The following PXMP4 variants were observed in gnomAD, a reference collection of about 807,000 sequenced individuals.
PXMP4 encodes the protein peroxisomal membrane protein 4, also known as 24 kDa peroxisomal intrinsic membrane protein.
In PXMP4, 16 loss-of-function variants were observed where a neutral mutation model predicts 21.6. The ratio of observed to expected loss-of-function variants is 0.74; its 90% CI spans 0.50 to 1.13. The LOEUF is 1.13. Among genes scored for constraint, PXMP4 ranks in the 50% most tolerant of loss-of-function variants. The probability of loss-of-function intolerance (pLI) is 0.00; values close to 1 mark genes in which losing one functional copy is unlikely to be tolerated. For missense variants in PXMP4, 240 were observed against 277.7 expected (o/e 0.86, Z 0.96); for synonymous variants, 127 against 123.8 (o/e 1.03, Z -0.17).
chr20:33,712,685 C>T (rs2018342529), intron 2 of PXMP4, among the ~76,000 whole-genome samples: 1 of 152,202 alleles, frequency 6.6e-6, no homozygotes, highest in Non-Finnish European at 1.5e-5. Context: ...GGCTGGAGCG[C>T]AGTAGCGCAA....
At chr20:33,719,374 C>T (rs943367429) in intron 1 of PXMP4, among the ~76,000 whole-genome samples, 2 of 152,196 alleles carry the variant, frequency 1.3e-5, no homozygotes, top group East Asian at 3.8e-4. Flanking sequence ...CACGTTGCCA[C>T]TAGGATGCCA....
chr20:33,715,015 T>C (rs1262665979), intron 1 of PXMP4, among the ~76,000 whole-genome samples: 1 of 152,148 alleles, frequency 6.6e-6, no homozygotes, highest in Non-Finnish European at 1.5e-5. Flanking sequence ...CCCAGGCTGG[T>C]GTGCAGTGGT....
At chr20:33,712,614 T>C (rs1196097476) in intron 2 of PXMP4, among the ~76,000 whole-genome samples, 1 of 152,144 alleles carries the variant, frequency 6.6e-6, no homozygotes, top group Non-Finnish European at 1.5e-5. Context: ...CACATCCGAC[T>C]AATCTTTGTT....
rs1356436746 is a variant in PXMP4 at position 33,720,244 on chromosome 20, T to C, written c.-37A>G. On this transcript the variant is annotated 5_prime_UTR_variant, in exon 1 of 4. Transcript: ENST00000409299. The stretch of plus-strand genomic sequence containing the variant: ...CGCGCAGGGTCGGGGTTAGGAACTG[T>C]AAGCGCACTGACAGCCGGAGGTTCC... 9 of 1,559,352 alleles carry C rather than the reference T, an allele frequency of 5.8e-6. No individual in the cohort carries two copies. Among genetic ancestry groups the C allele is most frequent in the Non-Finnish European group, 7.9e-6 (9 of 1,144,846 alleles).
intron 1 of PXMP4, among the ~76,000 whole-genome samples, chr20:33,718,179 C>G (rs1261454370): frequency 6.6e-6 from 1 of 152,060 alleles, no homozygotes; most frequent in East Asian, 1.9e-4. Context: ...TGAATGTTCA[C>G]TGCAGGCTTG....
At position 33,706,774 on chromosome 20, in the gene PXMP4, A is replaced by C. The variant is rs948979792; in HGVS notation, c.*932T>G. The stretch of plus-strand genomic sequence containing the variant: ...ACTGGGTCCTGAAAATGTGGGTGGC[A>C]AAATATACACCCAATTTTGAATACT... On this transcript the variant is annotated 3_prime_UTR_variant, in exon 4 of 4. Coordinates refer to ENST00000409299, the MANE Select transcript of PXMP4 (RefSeq NM_007238.5). The C allele has an allele frequency of 6.6e-6, 1 of 152,244 alleles. No individual in the cohort carries two copies. The highest frequency in any genetic ancestry group is 1.5e-5 in the Non-Finnish European group (1 of 68,042). 9.4% of individuals were successfully genotyped at this position (152,244 alleles called of 1,614,324 possible). A position where few individuals can be genotyped will look rare whatever the true frequency, so the allele number is the denominator to read the frequency against.
chr20:33,715,770 C>T (rs944068597), intron 1 of PXMP4, among the ~76,000 whole-genome samples: 5 of 151,346 alleles, frequency 3.3e-5, no homozygotes, highest in Admixed American at 6.6e-5. Flanking sequence ...AAAGGTCCAC[C>T]ATCCTTGCTC....
rs1255289432 is a variant in PXMP4, at chr20:33,707,728, T to C, written c.617A>G (p.Asn206Ser). ...WHDISDFLVY[N>S]KSRPSN Reference sequence around the variant, plus strand: ...GCATTAATTGGAGGGACGGCTCTTGTTATAGACGAGGAAGTCTGAGATGTC... The same window carrying C: ...GCATTAATTGGAGGGACGGCTCTTGCTATAGACGAGGAAGTCTGAGATGTC... Residue 206 changes from asparagine (N) to serine (S), a missense_variant, in exon 4 of 4, where the codon AAC becomes AGC. Asn to Ser is a conservative substitution (Grantham distance 46). Transcript: ENST00000409299. 8 of 1,613,926 alleles carry C rather than the reference T, an allele frequency of 5.0e-6. No individual in the cohort carries two copies. The highest frequency in any genetic ancestry group is 6.8e-6 in the Non-Finnish European group (8 of 1,179,992).
chr20:33,720,286 C>G lies in PXMP4; in HGVS notation c.-79G>C. 1 of 1,311,816 alleles carries G rather than the reference C, an allele frequency of 7.6e-7. No homozygotes were observed. Among genetic ancestry groups the G allele is most frequent in the Non-Finnish European group, 1.1e-6 (1 of 941,360 alleles). 81.3% of individuals were successfully genotyped at this position (1,311,816 alleles called of 1,614,324 possible). A position where few individuals can be genotyped will look rare whatever the true frequency, so the allele number is the denominator to read the frequency against. The stretch of plus-strand genomic sequence containing the variant: ...GGAGGTTCCAGCTGCGCGCCCACAG[C>G]CCCTCGGTAGCGCCGCCGACTCGTG... On this transcript the variant is annotated 5_prime_UTR_variant, in exon 1 of 4. Transcript: ENST00000409299.
rs1379634665 is a variant in PXMP4 at position 33,704,160 on chromosome 20, T to G, written c.*3546A>C. 1 of 152,988 alleles carries G rather than the reference T, an allele frequency of 6.5e-6. No homozygotes were observed. Among genetic ancestry groups the G allele is most frequent in the Non-Finnish European group, 1.5e-5 (1 of 68,662 alleles). 9.5% of individuals were successfully genotyped at this position (152,988 alleles called of 1,614,324 possible). Reference sequence around the variant, plus strand: ...TCTATTATTATTACCTTGTAATATATAATGAAATAATTGTACAACACACCA... The same window carrying G: ...TCTATTATTATTACCTTGTAATATAGAATGAAATAATTGTACAACACACCA... On this transcript the variant is annotated 3_prime_UTR_variant, in exon 4 of 4. Transcript: ENST00000409299.
In PXMP4 at chr20:33,707,736, G is replaced by A. The variant is rs1202317330; in HGVS notation, c.609C>T (p.Leu203=). The change falls in exon 4 of 4, where the codon CTC becomes CTT. Residue 203 remains leucine, a synonymous_variant. Coordinates refer to ENST00000409299, the MANE Select transcript of PXMP4 (RefSeq NM_007238.5). ...SNVWHDISDF[L]VYNKSRPSN ...TGGAGGGACGGCTCTTGTTATAGAC[G>A]AGGAAGTCTGAGATGTCGTGCCATA... 17 of 1,614,006 alleles carry A rather than the reference G, an allele frequency of 1.1e-5. No individual in the cohort carries two copies. Among genetic ancestry groups the A allele is most frequent in the East Asian group, 2.2e-5 (1 of 44,892 alleles).
chr20:33,715,225 C>T (rs1008349793), intron 1 of PXMP4, among the ~76,000 whole-genome samples: 9 of 152,224 alleles, frequency 5.9e-5, no homozygotes, highest in East Asian at 3.8e-4. Flanking sequence ...ACTGCAGCCT[C>T]GGCCTCCCGG....
rs1372276914 is a variant in PXMP4, at chr20:33,704,124, T to A, written c.*3582A>T. On this transcript the variant is annotated 3_prime_UTR_variant, in exon 4 of 4. Coordinates refer to ENST00000409299, the MANE Select transcript of PXMP4 (RefSeq NM_007238.5). ...TGATTCAAGCACATTGCATTTACTGTGGATTTTATTTCTATTATTATTACC... is the reference window on the plus strand; with the variant it reads ...TGATTCAAGCACATTGCATTTACTGAGGATTTTATTTCTATTATTATTACC... The A allele has an allele frequency of 1.3e-5, 2 of 152,298 alleles. No individual in the cohort carries two copies. The highest frequency in any genetic ancestry group is 2.9e-5 in the Non-Finnish European group (2 of 68,114). 9.4% of individuals were successfully genotyped at this position (152,298 alleles called of 1,614,324 possible).
chr20:33,713,095 A>G (rs764528464), intron 2 of PXMP4, among the ~76,000 whole-genome samples: 1 of 152,230 alleles, frequency 6.6e-6, no homozygotes, highest in Non-Finnish European at 1.5e-5. Context: ...CGCTGTTAAC[A>G]CATAAGTCAA....
rs1271763232 is a variant in PXMP4, at chr20:33,705,707, A to G, written c.*1999T>C. 1 of 151,924 alleles carries G rather than the reference A, an allele frequency of 6.6e-6. No homozygotes were observed. The highest frequency in any genetic ancestry group is 6.6e-5 in the Admixed American group (1 of 15,258). The allele number at this position is 151,924 out of a possible 1,614,324, so 9.4% of individuals were successfully genotyped here. ...TAGCACTATGTCATTGTAGGCCCCT[A>G]TGGGCATTTGAATGTGTACCCCTTT... On this transcript the variant is annotated 3_prime_UTR_variant, in exon 4 of 4. Coordinates refer to ENST00000409299, the MANE Select transcript of PXMP4 (RefSeq NM_007238.5).
rs1489169670 is a variant in PXMP4 at position 33,706,383 on chromosome 20, G to C, written c.*1323C>G. 2 of 151,744 alleles carry C rather than the reference G, an allele frequency of 1.3e-5. No individual in the cohort carries two copies. Among genetic ancestry groups the C allele is most frequent in the Non-Finnish European group, 2.9e-5 (2 of 67,948 alleles). 9.4% of individuals were successfully genotyped at this position (151,744 alleles called of 1,614,324 possible). On this transcript the variant is annotated 3_prime_UTR_variant, in exon 4 of 4. Coordinates refer to ENST00000409299, the MANE Select transcript of PXMP4 (RefSeq NM_007238.5). ...GAGGCAGGAAGATTGCTTGAGGCTA[G>C]GAGGTCGAGACTAGCCCTAGTGACA...
rs565459083 is a variant in PXMP4, at chr20:33,702,857, G to C, written c.*4849C>G. The C allele has an allele frequency of 1.3e-5, 2 of 152,242 alleles. No individual in the cohort carries two copies. The highest frequency in any genetic ancestry group is 3.9e-4 in the East Asian group (2 of 5,188). 9.4% of individuals were successfully genotyped at this position (152,242 alleles called of 1,614,324 possible). On this transcript the variant is annotated 3_prime_UTR_variant, in exon 4 of 4. Coordinates refer to ENST00000409299, the MANE Select transcript of PXMP4 (RefSeq NM_007238.5). ...TAGAGGTTAAACCATTCTATTTCAG[G>C]AACTAGCATTTAGGAAGCATAGCAC...
rs190020903 is a variant in PXMP4 at position 33,713,658 on chromosome 20, T to C, written c.176+1016A>G. ...GCACATAGCAGATGCTCAATAAATA[T>C]CTGCTGAATGAACACATGAGTTCAG... On this transcript the variant is annotated intron_variant, in intron 2 of 3. Transcript: ENST00000409299. Among the ~76,000 whole-genome samples the C allele has an allele frequency of 5.7e-3, 867 of 152,206 alleles. 9 individuals carry two copies. Among genetic ancestry groups the C allele is most frequent in the South Asian group, 0.047 (227 of 4,828 alleles).
chr20:33,714,489 C>T (rs2018363133), intron 2 of PXMP4, among the ~76,000 whole-genome samples, 185 bp downstream of exon 2: 1 of 151,904 alleles, frequency 6.6e-6, no homozygotes. Flanking sequence ...CGCACTCTGA[C>T]CTGGGTGACA....
Sources: gnomAD v4.1 joint callset for allele counts (sites outside exome capture counted in the v4.1 genomes callset) on GRCh38, gnomAD v4.1.1 for gene constraint, MANE v1.5 for transcripts, NCBI Gene and HGNC (gene_info 2026-07-23, HGNC 2026-07-21) for gene names.